Variants in IGSF21 observed in about 807,000 individuals in gnomAD.
IGSF21 encodes immunoglobulin superfamily member 21.
Under a neutral mutation model 46.8 loss-of-function variants are expected in IGSF21, and 28 were observed. The observed-to-expected ratio is 0.60, with a 90% CI of 0.44 to 0.82. The LOEUF is 0.82. Among genes scored for constraint, IGSF21 ranks in the 40% least tolerant of loss-of-function variants. The pLI is 0.00. For missense variants in IGSF21, 624 were observed against 665.5 expected, an observed-to-expected ratio of 0.94 and a Z score of 0.69; for synonymous variants, 284 against 273.6, an observed-to-expected ratio of 1.04 and a Z score of -0.38.
At position 18,327,789 on chromosome 1, in the gene IGSF21, C is replaced by T. The variant is rs528109148; in HGVS notation, c.306-7103C>T. Among the ~76,000 whole-genome samples the T allele has an allele frequency of 1.9e-3, 286 of 152,186 alleles. 2 individuals are homozygous for T. Among genetic ancestry groups the T allele is most frequent in the Non-Finnish European group, 3.7e-3 (251 of 68,016 alleles). ...GCTTTTTGGGAGAGATGAGTATGTT[C>T]ATTATCTTGATTGTGGCAATGGTCT... On this transcript the variant is annotated intron_variant, in intron 3 of 9. Transcript: ENST00000251296.
intron 1 of IGSF21, among the ~76,000 whole-genome samples, chr1:18,158,073 A>G (rs2086583954): frequency 6.6e-6 from 1 of 152,160 alleles, no homozygotes; most frequent in South Asian, 2.1e-4. Context: ...TCAAACTGGG[A>G]TCTTTCCCTA....
intron 1 of IGSF21, among the ~76,000 whole-genome samples, chr1:18,163,049 C>T (rs1293157075): frequency 6.6e-6 from 1 of 151,984 alleles, no homozygotes; most frequent in Non-Finnish European, 1.5e-5. Context: ...AAATTAATCC[C>T]CAGTCATTCT....
chr1:18,162,856 G>T (rs766490180), intron 1 of IGSF21, among the ~76,000 whole-genome samples: 1 of 152,174 alleles, frequency 6.6e-6, no homozygotes, highest in African/African-American at 2.4e-5. Context: ...AAAGGAAGGA[G>T]CCGCTCTCCT....
intron 1 of IGSF21, among the ~76,000 whole-genome samples, chr1:18,214,891 G>A (rs1244315129): frequency 4.6e-5 from 7 of 152,214 alleles, no homozygotes; most frequent in African/African-American, 1.4e-4. Context: ...ACAGGTGCAC[G>A]CCACCACACC....
At position 18,198,476 on chromosome 1, in the gene IGSF21, G is replaced by A. The variant is rs544616781; in HGVS notation, c.71-29422G>A. ...GCTCCCAGGGTGCCAAGGGATCGTCGTCATTCATCTCCCCCGTTTTTATTT... is the reference window on the plus strand; with the variant it reads ...GCTCCCAGGGTGCCAAGGGATCGTCATCATTCATCTCCCCCGTTTTTATTT... On this transcript the variant is annotated intron_variant, in intron 1 of 9. Coordinates refer to ENST00000251296, the MANE Select transcript of IGSF21 (RefSeq NM_032880.5). Among the ~76,000 whole-genome samples, 66 of 152,310 alleles carry A rather than the reference G, an allele frequency of 4.3e-4. No individual in the cohort carries two copies. The South Asian group carries it at 5.0e-3, about 11-fold the overall frequency.
In IGSF21 at chr1:18,108,068, G is replaced by T. The variant is rs2086107567; in HGVS notation, c.-61G>T. 4 of 800,954 alleles carry T rather than the reference G, an allele frequency of 5.0e-6. No homozygotes were observed. The Admixed American group carries it at 1.5e-4, about 30-fold the overall frequency. The allele number at this position is 800,954 out of a possible 1,614,324, so 49.6% of individuals were successfully genotyped here. A position where few individuals can be genotyped will look rare whatever the true frequency, so the allele number is the denominator to read the frequency against. ...GAGCGCGTCTGAGCCCATGGCGAGG[G>T]GACCCGCCGCCACCGCCTCCACCCC... is the stretch of plus-strand genomic sequence containing the variant. On this transcript the variant is annotated 5_prime_UTR_variant, in exon 1 of 10. The change creates a premature stop within an existing upstream ORF in the 5' untranslated region. Transcript: ENST00000251296.
chr1:18,234,906 A>C (rs1283673792), intron 2 of IGSF21, among the ~76,000 whole-genome samples: 2 of 152,244 alleles, frequency 1.3e-5, no homozygotes, highest in East Asian at 3.9e-4. Flanking sequence ...GACTCATCAC[A>C]CTGAGCTCCT....
At chr1:18,360,202 G>A (rs1337481463) in intron 4 of IGSF21, among the ~76,000 whole-genome samples, 1 of 152,158 alleles carries the variant, frequency 6.6e-6, no homozygotes, top group Non-Finnish European at 1.5e-5. Context: ...CAATTTCTAG[G>A]TAATTGACGT....
intron 3 of IGSF21, among the ~76,000 whole-genome samples, chr1:18,313,465 G>T (rs115958740): frequency 1.3e-5 from 2 of 152,176 alleles, no homozygotes; most frequent in Non-Finnish European, 1.5e-5. Flanking sequence ...CTCTAAAATG[G>T]ACATGATGAT....
intron 1 of IGSF21, among the ~76,000 whole-genome samples, chr1:18,178,548 G>T (rs1179044566): frequency 6.6e-6 from 1 of 152,232 alleles, no homozygotes; most frequent in Non-Finnish European, 1.5e-5. Context: ...AAAATGCATA[G>T]AACAGTGCCA....
At position 18,365,538 on chromosome 1, in the gene IGSF21, T is replaced by C; in HGVS notation, c.856T>C (p.Phe286Leu). Residue 286 changes from phenylalanine (F) to leucine (L), a missense_variant, in exon 6 of 10, where the codon TTC (phenylalanine) becomes CTC (leucine). Transcript: ENST00000251296. This position sits in a 1 kb window ranked among gnomAD's most constrained non-coding sequence, Gnocchi z 4.8. The part of the protein sequence containing the change: ...RWVHSAEPTY[F>L]LRHSRTPSSD... Reference sequence around the variant, plus strand: ...GGTCCACAGCGCCGAGCCCACCTACTTCCTGCGCCACAGCCGCACCCCGAG... The same window carrying C: ...GGTCCACAGCGCCGAGCCCACCTACCTCCTGCGCCACAGCCGCACCCCGAG... 1 of 1,613,926 alleles carries C rather than the reference T, an allele frequency of 6.2e-7. No individual in the cohort carries two copies. The highest frequency in any genetic ancestry group is 1.1e-5 in the South Asian group (1 of 91,062).
At chr1:18,202,299 C>T (rs2087083518) in intron 1 of IGSF21, among the ~76,000 whole-genome samples, 1 of 152,206 alleles carries the variant, frequency 6.6e-6, no homozygotes, top group Admixed American at 6.5e-5. Context: ...AGGAGGACGG[C>T]TCAAGGCAAA....
intron 8 of IGSF21, 78 bp from the exon 9 acceptor site, chr1:18,377,315 G>T: frequency 7.9e-7 from 1 of 1,268,332 alleles, no homozygotes; most frequent in Non-Finnish European, 1.2e-6. Flanking sequence ...CACAGCAGGT[G>T]CTGGGTAAAG....
At position 18,250,510 on chromosome 1, in the gene IGSF21, C is replaced by T. The variant is rs574939508; in HGVS notation, c.183+22500C>T. Among the ~76,000 whole-genome samples the T allele has an allele frequency of 1.6e-4, 25 of 152,272 alleles. No homozygotes were observed. In the East Asian group the frequency reaches 1.7e-3, roughly 11 times the overall value. Reference sequence around the variant, plus strand: ...ACCTGGCCACCCACCCGTCACCCATCGCTGTCTCTCCCTCTCTTCTTTGTG... The same window carrying T: ...ACCTGGCCACCCACCCGTCACCCATTGCTGTCTCTCCCTCTCTTCTTTGTG... On this transcript the variant is annotated intron_variant, in intron 2 of 9. Coordinates refer to ENST00000251296, the MANE Select transcript of IGSF21 (RefSeq NM_032880.5).
chr1:18,202,289 A>T (rs1180377436), intron 1 of IGSF21, among the ~76,000 whole-genome samples: 3 of 152,218 alleles, frequency 2.0e-5, no homozygotes, highest in Non-Finnish European at 4.4e-5. Flanking sequence ...GGACTGGCAC[A>T]GGAGGACGGC....
chr1:18,248,352 G>A (rs953185980), intron 2 of IGSF21, among the ~76,000 whole-genome samples: 8 of 152,200 alleles, frequency 5.3e-5, no homozygotes, highest in Non-Finnish European at 8.8e-5. Context: ...ACAGCATAGC[G>A]GGGGCTTTGG....
intron 1 of IGSF21, among the ~76,000 whole-genome samples, chr1:18,133,984 G>A (rs1301803144): frequency 1.3e-5 from 2 of 152,210 alleles, no homozygotes; most frequent in African/African-American, 4.8e-5. Context: ...CCTTATTTAA[G>A]AGATCTTTAT....
chr1:18,360,157 G>C (rs1395134154), intron 4 of IGSF21, among the ~76,000 whole-genome samples: 1 of 152,156 alleles, frequency 6.6e-6, no homozygotes, highest in African/African-American at 2.4e-5. Context: ...CCAGGTTTTC[G>C]GTTGAGTTTT....
At chr1:18,128,555 T>G (rs1410091900) in intron 1 of IGSF21, among the ~76,000 whole-genome samples, 1 of 152,164 alleles carries the variant, frequency 6.6e-6, no homozygotes, top group Non-Finnish European at 1.5e-5. Flanking sequence ...CATGACAGTG[T>G]CCCCTTTGGC....
Sources: gnomAD v4.1 joint callset for allele counts (sites outside exome capture counted in the v4.1 genomes callset) on GRCh38, gnomAD v4.1.1 for gene constraint, Gnocchi (gnomAD v3.1) non-coding constraint, MANE v1.5 for transcripts, NCBI Gene and HGNC (gene_info 2026-07-23, HGNC 2026-07-21) for gene names.